Variants in MAGI1 observed in about 807,000 individuals in gnomAD.
MAGI1 encodes the protein membrane associated guanylate kinase, WW and PDZ domain containing 1, also known as membrane-associated guanylate kinase, WW and PDZ domain-containing protein 1.
Under a neutral mutation model 139.9 loss-of-function variants are expected in MAGI1, and 58 were observed. That is an observed-to-expected ratio of 0.41 (90% CI 0.34 to 0.52). The LOEUF (loss-of-function observed/expected upper bound fraction) is 0.52. MAGI1 is among the 20% of genes least tolerant of loss of function. The pLI is 0.12. For missense variants in MAGI1, 1,874 were observed against 1,901.6 expected (o/e 0.99, Z 0.27); for synonymous variants, 812 against 737.9 (o/e 1.10, Z -1.63).
chr3:65,354,524 A>G lies in MAGI1; in HGVS notation c.*1854T>C, dbSNP rs968398489. ...GAGCATTAAGTCCATAGCACACTGCAAGAAATAAATGAGTGAAGAACAGAG... is the reference window on the plus strand; with the variant it reads ...GAGCATTAAGTCCATAGCACACTGCGAGAAATAAATGAGTGAAGAACAGAG... On this transcript the variant is annotated 3_prime_UTR_variant, in exon 23 of 23. Transcript: ENST00000402939. 4 of 152,690 alleles carry G rather than the reference A, an allele frequency of 2.6e-5. No individual in the cohort carries two copies. Among genetic ancestry groups the G allele is most frequent in the Non-Finnish European group, 4.4e-5 (3 of 68,046 alleles). The allele number at this position is 152,690 out of a possible 1,614,324, so 9.5% of individuals were successfully genotyped here. A position where few individuals can be genotyped will look rare whatever the true frequency, so the allele number is the denominator to read the frequency against.
chr3:65,397,738 A>G (rs1294116712), intron 13 of MAGI1, among the ~76,000 whole-genome samples: 1 of 152,166 alleles, frequency 6.6e-6, no homozygotes, highest in Non-Finnish European at 1.5e-5. Context: ...AGTTATTATA[A>G]TTAAGAGTGG....
At chr3:65,859,631 G>T (rs377365700) in intron 1 of MAGI1, among the ~76,000 whole-genome samples, 19 of 151,480 alleles carry the variant, frequency 1.3e-4, no homozygotes, top group Admixed American at 2.6e-4. Flanking sequence ...TGAGGCAGGA[G>T]AATCACTCGA....
chr3:65,789,459 T>A (rs891669774), intron 1 of MAGI1, among the ~76,000 whole-genome samples: 1 of 152,206 alleles, frequency 6.6e-6, no homozygotes, highest in Admixed American at 6.5e-5. Flanking sequence ...CAAGGAACAT[T>A]TTGCTTGGCT....
At chr3:65,465,025 A>G (rs1334565875) in intron 5 of MAGI1, among the ~76,000 whole-genome samples, 2 of 148,504 alleles carry the variant, frequency 1.3e-5, no homozygotes, top group African/African-American at 4.9e-5. Context: ...TATTTTATAT[A>G]TCTTATAGTC....
chr3:65,905,706 T>G (rs1380637656), intron 1 of MAGI1, among the ~76,000 whole-genome samples: 1 of 152,094 alleles, frequency 6.6e-6, no homozygotes, highest in African/African-American at 2.4e-5. Context: ...AAAACAGACT[T>G]TGCACCTCAG....
intron 1 of MAGI1, among the ~76,000 whole-genome samples, chr3:65,759,950 G>A (rs2107869999): frequency 6.6e-6 from 1 of 152,264 alleles, no homozygotes; most frequent in East Asian, 1.9e-4. Context: ...CTATTAGAAA[G>A]CTACACAACC....
rs1491262756 is a variant in MAGI1 at position 65,734,500 on chromosome 3, AGG to A, written c.314-112414_314-112413del. 4.2e-4 allele frequency among the ~76,000 whole-genome samples: 59 copies of A among 139,158 alleles called. 1 individual carries two copies. The highest frequency in any genetic ancestry group is 1.7e-3 in the African/African-American group (56 of 32,260). 91.3% of individuals were successfully genotyped at this position (139,158 alleles called of 152,430 possible). On this transcript the variant is annotated intron_variant, in intron 1 of 22. Transcript: ENST00000402939. ...AAAGAAGAGAAAGAAAGAGAGAAAG[AGG>A]AAGAGAGAGAAAGAAAGAGAGAAAG...
chr3:65,591,102 G>A (rs1443287477), intron 2 of MAGI1, among the ~76,000 whole-genome samples: 1 of 151,974 alleles, frequency 6.6e-6, no homozygotes, highest in Non-Finnish European at 1.5e-5. Flanking sequence ...CAAAAACTGG[G>A]GAATGTTGGG....
At chr3:65,890,775 T>C (rs1218120891) in intron 1 of MAGI1, among the ~76,000 whole-genome samples, 1 of 152,198 alleles carries the variant, frequency 6.6e-6, no homozygotes, top group South Asian at 2.1e-4. Flanking sequence ...CAACCCAGAT[T>C]CCAATTTTAG....
chr3:65,928,472 G>A (rs2062632696), intron 1 of MAGI1, among the ~76,000 whole-genome samples: 1 of 152,124 alleles, frequency 6.6e-6, no homozygotes, highest in African/African-American at 2.4e-5. Flanking sequence ...CATTTGTCAG[G>A]AGCACATGAG....
intron 2 of MAGI1, among the ~76,000 whole-genome samples, chr3:65,526,920 C>G (rs1372181224): frequency 6.6e-6 from 1 of 152,200 alleles, no homozygotes; most frequent in Non-Finnish European, 1.5e-5. Flanking sequence ...AGGCCACCAG[C>G]AGGCAGGAGT....
chr3:65,803,358 A>G (rs2040636878), intron 1 of MAGI1, among the ~76,000 whole-genome samples: 1 of 152,118 alleles, frequency 6.6e-6, no homozygotes, highest in Admixed American at 6.5e-5. Context: ...TTTTCCCTCA[A>G]TGCTCAATGC....
At chr3:65,597,466 G>A (rs1259148474) in intron 2 of MAGI1, among the ~76,000 whole-genome samples, 6 of 150,928 alleles carry the variant, frequency 4.0e-5, no homozygotes, top group African/African-American at 1.5e-4. Flanking sequence ...TCCAGAGCCC[G>A]GCCTCTCCCT....
In MAGI1 at chr3:65,391,364, A is replaced by C. The variant is rs750410831; in HGVS notation, c.2200-6T>G. 1 of 1,612,484 alleles carries C rather than the reference A, an allele frequency of 6.2e-7. No individual in the cohort carries two copies. ...TCTTTCCTTTCCAGTGGTTGCTGAA[A>C]GTAAGCAAGTGAGAGGGGCAAGAAG... On this transcript the variant is annotated splice_polypyrimidine_tract_variant and splice_region_variant and intron_variant, in intron 13 of 22. Coordinates refer to ENST00000402939, the MANE Select transcript of MAGI1 (RefSeq NM_001033057.2).
chr3:65,576,386 T>A (rs996479637), intron 2 of MAGI1, among the ~76,000 whole-genome samples: 1 of 152,152 alleles, frequency 6.6e-6, no homozygotes, highest in Non-Finnish European at 1.5e-5. Context: ...TTGTCAATCC[T>A]ACGTAGACAA....
intron 5 of MAGI1, among the ~76,000 whole-genome samples, chr3:65,462,662 A>G (rs916282185): frequency 2.3e-4 from 35 of 152,280 alleles, no homozygotes; most frequent in Admixed American, 1.3e-3. Flanking sequence ...AAGAAAGTCA[A>G]TGGTAGCTTG....
At chr3:65,690,042 C>T (rs1286591440) in intron 1 of MAGI1, among the ~76,000 whole-genome samples, 3 of 152,104 alleles carry the variant, frequency 2.0e-5, no homozygotes, top group Non-Finnish European at 4.4e-5. Context: ...ACAAGAGCTG[C>T]ACACAATCCA....
chr3:65,594,664 T>A (rs1043800991), intron 2 of MAGI1, among the ~76,000 whole-genome samples: 1 of 152,182 alleles, frequency 6.6e-6, no homozygotes, highest in Admixed American at 6.5e-5. Flanking sequence ...GGTCTGATTA[T>A]CAACATAAGA....
At chr3:65,697,101 C>A (rs1360577237) in intron 1 of MAGI1, among the ~76,000 whole-genome samples, 1 of 152,156 alleles carries the variant, frequency 6.6e-6, no homozygotes, top group Non-Finnish European at 1.5e-5. Context: ...AACACCTCTA[C>A]ACAAATAAAC....
Sources: allele counts gnomAD v4.1 joint callset (sites outside exome capture counted in the v4.1 genomes callset), GRCh38; gene constraint gnomAD v4.1.1; transcripts MANE v1.5; gene names NCBI Gene and HGNC (gene_info 2026-07-23, HGNC 2026-07-21).